The following VTI1A variants were observed in gnomAD, a reference collection of about 807,000 sequenced individuals.
VTI1A encodes vesicle transport through interaction with t-SNAREs 1A, also known as vesicle transport through interaction with t-SNAREs homolog 1A.
Under a neutral mutation model 34.9 loss-of-function variants are expected in VTI1A, and 22 were observed. The ratio of observed to expected loss-of-function variants is 0.63; its 90% confidence interval spans 0.45 to 0.90. The LOEUF (loss-of-function observed/expected upper bound fraction) is 0.90. Among genes scored for constraint, VTI1A ranks in the 40% least tolerant of loss-of-function variants. The probability of loss-of-function intolerance (pLI) is 0.00; values close to 1 mark genes in which losing one functional copy is unlikely to be tolerated. For synonymous variants in VTI1A, 87 were observed against 97.3 expected, an observed-to-expected ratio of 0.89 and a Z score of 0.62; for missense variants, 268 against 275.6, an observed-to-expected ratio of 0.97 and a Z score of 0.20.
At chr10:112,502,049 A>G (rs1186075219) in intron 3 of VTI1A, among the ~76,000 whole-genome samples, 2 of 130,290 alleles carry the variant, frequency 1.5e-5, no homozygotes, top group African/African-American at 3.0e-5. Context: ...TTTTTTGGAG[A>G]CAGGGTCTTG....
At chr10:112,676,835 A>G (rs372964601) in intron 7 of VTI1A, among the ~76,000 whole-genome samples, 2 of 152,300 alleles carry the variant, frequency 1.3e-5, no homozygotes, top group East Asian at 1.9e-4. Context: ...AGCGACTTGA[A>G]ACACAGTGTT....
intron 3 of VTI1A, among the ~76,000 whole-genome samples, chr10:112,518,752 A>T (rs1180110179): frequency 1.3e-5 from 2 of 151,584 alleles, no homozygotes; most frequent in African/African-American, 4.8e-5. Context: ...AAAGGAAAGA[A>T]CCAGTAGAGG....
At chr10:112,758,910 T>C (rs1003103528) in intron 7 of VTI1A, among the ~76,000 whole-genome samples, 1 of 152,220 alleles carries the variant, frequency 6.6e-6, no homozygotes, top group Non-Finnish European at 1.5e-5. Flanking sequence ...ACATGGCATC[T>C]ACAAGGTAGG....
At chr10:112,780,179 G>C (rs2134036290) in intron 7 of VTI1A, among the ~76,000 whole-genome samples, 1 of 150,766 alleles carries the variant, frequency 6.6e-6, no homozygotes, top group Admixed American at 6.6e-5. Context: ...TCCCTGCTAG[G>C]AGGATCGTTT....
rs377461696 is a variant in VTI1A, at chr10:112,692,853, G to A, written c.560+23855G>A. On this transcript the variant is annotated intron_variant, in intron 7 of 7. Transcript: ENST00000393077. ...GAACCACTGCTGCACTGGCCTTGGC[G>A]GGTTCCTTGCCCATCTCCCCACCAG... Among the ~76,000 whole-genome samples, 26 of 152,356 alleles carry A rather than the reference G, an allele frequency of 1.7e-4. No homozygotes were observed. In the South Asian group the frequency reaches 3.1e-3, roughly 18 times the overall value.
At chr10:112,548,935 ACCT>A (rs1851240449) in intron 5 of VTI1A, 2 of 748,074 alleles carry the variant, frequency 2.7e-6, no homozygotes, top group Admixed American at 2.2e-5. Flanking sequence ...TTCTACTTCT[ACCT>A]CCTCCTCATA....
the VTI1A span, chr10:112,832,043 G>A: frequency 1.3e-5 from 2 of 152,106 alleles, no homozygotes; most frequent in Non-Finnish European, 2.9e-5. Context: ...TTAAGGAGGA[G>A]GAGAGAAAAA....
At chr10:112,768,011 C>T (rs568230553) in intron 7 of VTI1A, among the ~76,000 whole-genome samples, 54 of 152,266 alleles carry the variant, frequency 3.5e-4, no homozygotes, top group Non-Finnish European at 6.0e-4. Context: ...CCTATCTGCT[C>T]CTTCCCAACC....
rs1014370338 is a variant in VTI1A, at chr10:112,815,748, C to G, written c.*365C>G. On this transcript the variant is annotated 3_prime_UTR_variant, in exon 8 of 8. Coordinates refer to ENST00000393077, the MANE Select transcript of VTI1A (RefSeq NM_145206.4). ...CATGATGAGTCAGTCACGAGAGCTTCTGTTTGTCACCCGCCTCTTGTTGCT... is the reference window on the plus strand; with the variant it reads ...CATGATGAGTCAGTCACGAGAGCTTGTGTTTGTCACCCGCCTCTTGTTGCT... 1.4e-5 allele frequency: 4 copies of G among 278,646 alleles called. No homozygotes were observed. Among genetic ancestry groups the G allele is most frequent in the Non-Finnish European group, 2.7e-5 (4 of 145,838 alleles). The allele number at this position is 278,646 out of a possible 1,614,324, so 17.3% of individuals were successfully genotyped here. A position where few individuals can be genotyped will look rare whatever the true frequency, so the allele number is the denominator to read the frequency against.
At chr10:112,712,222 C>G (rs995700938) in intron 7 of VTI1A, among the ~76,000 whole-genome samples, 3 of 152,152 alleles carry the variant, frequency 2.0e-5, no homozygotes, top group African/African-American at 7.2e-5. Context: ...GTGTCACACT[C>G]TGCAGGCATG....
At chr10:112,524,920 G>T (rs1486177212) in intron 3 of VTI1A, among the ~76,000 whole-genome samples, 1 of 152,150 alleles carries the variant, frequency 6.6e-6, no homozygotes, top group Non-Finnish European at 1.5e-5. Flanking sequence ...TGAAACTACT[G>T]TAGTAGGAAC....
At chr10:112,466,757 G>T (rs889710686) in intron 3 of VTI1A, among the ~76,000 whole-genome samples, 4 of 152,158 alleles carry the variant, frequency 2.6e-5, no homozygotes, top group Non-Finnish European at 5.9e-5. Context: ...GTATGAATTT[G>T]CTAGGGCTGT....
At chr10:112,519,668 A>G (rs2134203415) in intron 3 of VTI1A, among the ~76,000 whole-genome samples, 1 of 152,184 alleles carries the variant, frequency 6.6e-6, no homozygotes, top group South Asian at 2.1e-4. Context: ...GAACACTGGC[A>G]TTGAGGAATG....
chr10:112,589,421 C>G (rs879627048), intron 5 of VTI1A, among the ~76,000 whole-genome samples: 79 of 145,426 alleles, frequency 5.4e-4, no homozygotes, highest in African/African-American at 1.8e-3. Flanking sequence ...CCACCATGAT[C>G]GTGGAACTGT....
intron 2 of VTI1A, among the ~76,000 whole-genome samples, chr10:112,461,777 G>A (rs1847736419): frequency 6.6e-6 from 1 of 152,176 alleles, no homozygotes; most frequent in South Asian, 2.1e-4. Context: ...GAGTACAGTG[G>A]CACAATCTCG....
At chr10:112,498,508 C>G (rs1849108331) in intron 3 of VTI1A, among the ~76,000 whole-genome samples, 1 of 151,756 alleles carries the variant, frequency 6.6e-6, no homozygotes, top group Non-Finnish European at 1.5e-5. Context: ...CTTAGAGTTC[C>G]TAGATACTTC....
intron 3 of VTI1A, among the ~76,000 whole-genome samples, chr10:112,469,578 A>G (rs1848010657): frequency 6.6e-6 from 1 of 152,166 alleles, no homozygotes; most frequent in Non-Finnish European, 1.5e-5. Flanking sequence ...ACTTTTTAGA[A>G]CACATTTTGA....
intron 5 of VTI1A, among the ~76,000 whole-genome samples, chr10:112,639,689 AC>A (rs1846493887): frequency 6.6e-6 from 1 of 152,352 alleles, no homozygotes; most frequent in South Asian, 2.1e-4. Flanking sequence ...AATACAAGAA[AC>A]TAACTTACAT....
At chr10:112,599,068 G>A (rs1190848764) in intron 5 of VTI1A, among the ~76,000 whole-genome samples, 1 of 152,046 alleles carries the variant, frequency 6.6e-6, no homozygotes. Context: ...GTATTTTGAG[G>A]GTCTGGACCC....
Sources: allele counts gnomAD v4.1 joint callset (sites outside exome capture counted in the v4.1 genomes callset), GRCh38; gene constraint gnomAD v4.1.1; transcripts MANE v1.5; gene names NCBI Gene and HGNC (gene_info 2026-07-23, HGNC 2026-07-21).